The following BET1 variants were observed in gnomAD, a reference collection of about 807,000 sequenced individuals.
BET1 encodes the protein BET1 homolog.
BET1 carries 9 observed loss-of-function variants against 13.9 expected under a neutral mutation model. That is an observed-to-expected ratio of 0.65 (90% confidence interval 0.39 to 1.13). BET1 has a LOEUF of 1.13. Ranked by LOEUF, BET1 falls within the 50% of genes most tolerant of loss-of-function variation. The pLI is 0.01. For missense variants in BET1, 127 were observed against 133.6 expected, an observed-to-expected ratio of 0.95 and a Z score of 0.24; for synonymous variants, 39 against 47.3, an observed-to-expected ratio of 0.82 and a Z score of 0.72.
Position 93,995,521 on chromosome 7 carries a change from A to G in BET1, c.201+744T>C, listed in dbSNP as rs149214397. 3.1e-3 allele frequency among the ~76,000 whole-genome samples: 466 copies of G among 152,314 alleles called. 8 individuals are homozygous for G. The highest frequency in any genetic ancestry group is 0.011 in the African/African-American group (439 of 41,574). The stretch of plus-strand genomic sequence containing the variant: ...TTCATGGTTATGCATCAGAATCACC[A>G]GAGATGCTTTTTTCAAAATATTTAC... On this transcript the variant is annotated intron_variant, in intron 3 of 3. Transcript: ENST00000222547.
chr7:93,965,945 T>C (rs910851742), intron 6 of BET1, among the ~76,000 whole-genome samples: 1 of 152,058 alleles, frequency 6.6e-6, no homozygotes, highest in Non-Finnish European at 1.5e-5. Context: ...CTTAAGTCTG[T>C]ACTTGGAGTA....
intron 6 of BET1, among the ~76,000 whole-genome samples, chr7:93,971,025 T>A (rs1795251667): frequency 6.6e-6 from 1 of 151,762 alleles, no homozygotes; most frequent in Non-Finnish European, 1.5e-5. Flanking sequence ...TAATAGCAAG[T>A]ACTGAAGATT....
At chr7:93,985,944 G>A (rs1007732917) in intron 4 of BET1, among the ~76,000 whole-genome samples, 2 of 152,126 alleles carry the variant, frequency 1.3e-5, no homozygotes, top group African/African-American at 4.8e-5. Context: ...AGTTAGAAAC[G>A]GACCACAGTG....
At chr7:93,990,003 TCATAA>T (rs995146647), downstream of BET1, among the ~76,000 whole-genome samples, 10 of 152,110 alleles carry the variant, frequency 6.6e-5, no homozygotes, top group African/African-American at 1.4e-4. Context: ...ATAGACATCA[TCATAA>T]CATATTTGGA....
intron 5 of BET1, among the ~76,000 whole-genome samples, chr7:93,975,253 T>C (rs1448476955): frequency 6.6e-6 from 1 of 152,128 alleles, no homozygotes; most frequent in African/African-American, 2.4e-5. Flanking sequence ...ATTGTACCAA[T>C]GTTAACTTCT....
intron 4 of BET1, among the ~76,000 whole-genome samples, chr7:93,985,247 C>G (rs1795503996): frequency 6.6e-6 from 1 of 152,150 alleles, no homozygotes; most frequent in Non-Finnish European, 1.5e-5. Flanking sequence ...TCATGCTGAG[C>G]TACAAAAACA....
chr7:93,967,188 A>G (rs937282407), intron 6 of BET1, among the ~76,000 whole-genome samples: 1 of 151,870 alleles, frequency 6.6e-6, no homozygotes, highest in Non-Finnish European at 1.5e-5. Context: ...CCGTATGGCA[A>G]CTTCTGGAAT....
At chr7:93,992,879 T>C, downstream of BET1, 1 of 984,638 alleles carries the variant, frequency 1.0e-6, no homozygotes, top group Non-Finnish European at 1.2e-6. Flanking sequence ...AACCAGTGCC[T>C]CTCCCATCAC....
chr7:93,995,554 TCCCTCC>T (rs1181456455), intron 3 of BET1, among the ~76,000 whole-genome samples: 22 of 152,134 alleles, frequency 1.4e-4, no homozygotes, highest in African/African-American at 5.3e-4. Flanking sequence ...TACATCTAGA[TCCCTCC>T]TCACGAAATT....
In BET1 at chr7:93,993,940, A is replaced by T. The variant is rs770108629; in HGVS notation, c.*290T>A. 32 of 1,535,118 alleles carry T rather than the reference A, an allele frequency of 2.1e-5. No individual in the cohort carries two copies. The highest frequency in any genetic ancestry group is 2.8e-5 in the Non-Finnish European group (32 of 1,146,528). On this transcript the variant is annotated 3_prime_UTR_variant, in exon 4 of 4. Coordinates refer to ENST00000222547, the MANE Select transcript of BET1 (RefSeq NM_005868.6). ...ATTTATGATTACAACAAAATATTAT[A>T]ATGCTATTTAATCTGACAGTTGGCA...
intron 3 of BET1, 99 bp from the exon 4 acceptor site, chr7:93,994,484 T>A: frequency 7.9e-7 from 1 of 1,273,746 alleles, no homozygotes; most frequent in Non-Finnish European, 1.1e-6. Flanking sequence ...AGTACATTTG[T>A]AATGACAGTT....
rs1471240159 is a variant in BET1, at chr7:93,976,009, T to TAAAAAG, written c.326_327insCTTTTT (p.Ser108_Leu109insPhePhe). 2.3e-6 allele frequency: 3 copies of TAAAAAG among 1,280,590 alleles called. No individual in the cohort carries two copies. In the Admixed American group the frequency reaches 6.9e-5, roughly 29 times the overall value. The allele number at this position is 1,280,590 out of a possible 1,614,324, so 79.3% of individuals were successfully genotyped here. A position where few individuals can be genotyped will look rare whatever the true frequency, so the allele number is the denominator to read the frequency against. ...CACTGAAAGTAAGCCTCCTTCTTTT[T>TAAAAAG]AAGCTTCTGGACAAATGCTGAGGAA... is the stretch of plus-strand genomic sequence containing the variant. On this transcript the variant is annotated inframe_insertion and NMD_transcript_variant, in exon 5 of 7. Transcript: ENST00000357520.
At chr7:93,980,092 A>C (rs142878412) in intron 4 of BET1, among the ~76,000 whole-genome samples, 27 of 152,352 alleles carry the variant, frequency 1.8e-4, no homozygotes, top group African/African-American at 6.3e-4. Flanking sequence ...AAGAAATGGA[A>C]AACCTGAACA....
At chr7:93,976,985 G>C (rs145449223) in intron 4 of BET1, among the ~76,000 whole-genome samples, 172 of 152,202 alleles carry the variant, frequency 1.1e-3, no homozygotes, top group African/African-American at 4.0e-3. Flanking sequence ...ACTCCATCCA[G>C]GTTCCTGCGA....
In BET1 at chr7:93,994,819, G is replaced by A. The variant is rs62466706; in HGVS notation, c.202-434C>T. ...GAGGATTTCATCCAAAATGTAATAC[G>A]GTTAGCAGTTAAATGTACTTTTATT... On this transcript the variant is annotated intron_variant, in intron 3 of 3. Coordinates refer to ENST00000222547, the MANE Select transcript of BET1 (RefSeq NM_005868.6). 4.0e-3 allele frequency among the ~76,000 whole-genome samples: 614 copies of A among 152,222 alleles called. 1 individual carries two copies. Among genetic ancestry groups the A allele is most frequent in the Middle Eastern group, 0.01 (3 of 294 alleles).
In BET1 at chr7:94,001,534, T is replaced by C. The variant is rs553919414; in HGVS notation, c.20-2240A>G. Among the ~76,000 whole-genome samples the C allele has an allele frequency of 3.7e-4, 56 of 152,314 alleles. 2 individuals are homozygous for C. The highest frequency in any genetic ancestry group is 1.2e-3 in the African/African-American group (51 of 41,572). On this transcript the variant is annotated intron_variant, in intron 1 of 3. Transcript: ENST00000222547. ...CCAAACAGAAGAGAGTTGTACTATC[T>C]GAATTTTGCTGCTGACACACTATCC... is the stretch of plus-strand genomic sequence containing the variant.
intron 5 of BET1, among the ~76,000 whole-genome samples, chr7:93,975,119 G>C (rs1331131019): frequency 6.6e-6 from 1 of 151,924 alleles, no homozygotes; most frequent in Admixed American, 6.6e-5. Flanking sequence ...ACAGATCAGA[G>C]GAAACCATAA....
chr7:93,994,364 T>C lies in BET1; in HGVS notation c.223A>G (p.Thr75Ala), dbSNP rs1204781660. ...CCCATAGTTTTACCTAGAAATCCAG[T>C]TGTGGAATCAAATTGTGAATCCTAT... ...AEMDSQFDST[T>A]GFLGKTMGKL... The change falls in exon 4 of 4, where the codon ACT becomes GCT. Residue 75 changes from threonine to alanine, a missense_variant. Thr to Ala is a moderately conservative substitution (Grantham distance 58). Coordinates refer to ENST00000222547, the MANE Select transcript of BET1 (RefSeq NM_005868.6). The C allele has an allele frequency of 3.1e-6, 5 of 1,612,444 alleles. No individual in the cohort carries two copies. Among genetic ancestry groups the C allele is most frequent in the Middle Eastern group, 1.6e-4 (1 of 6,078 alleles).
chr7:94,004,115 C>T, intron 1 of BET1, 83 bp downstream of exon 1: 1 of 1,597,616 alleles, frequency 6.3e-7, no homozygotes, highest in Non-Finnish European at 8.6e-7. Flanking sequence ...ATGCCAGGAA[C>T]ATAAGACAGG....
Sources: allele counts gnomAD v4.1 joint callset (sites outside exome capture counted in the v4.1 genomes callset), GRCh38; gene constraint gnomAD v4.1.1; transcripts MANE v1.5; gene names NCBI Gene and HGNC (gene_info 2026-07-23, HGNC 2026-07-21).